Variants in SGCZ observed in about 807,000 individuals in gnomAD.
SGCZ encodes the protein zeta-sarcoglycan.
A neutral mutation model predicts 41.3 loss-of-function variants in SGCZ; 40 were observed. The observed-to-expected ratio is 0.97, with a 90% CI of 0.75 to 1.26. The LOEUF (loss-of-function observed/expected upper bound fraction) is 1.26, where lower values mean the gene tolerates loss of function less well. Among genes scored for constraint, SGCZ ranks in the 50% most tolerant of loss-of-function variants. SGCZ has a pLI of 0.00. For missense variants in SGCZ, 552 were observed against 369.8 expected, an observed-to-expected ratio of 1.49 and a Z score of -4.04; for synonymous variants, 206 against 137.5, an observed-to-expected ratio of 1.50 and a Z score of -3.49.
chr8:14,410,556 G>T (rs180871079), intron 2 of SGCZ, among the ~76,000 whole-genome samples: 323 of 147,440 alleles, frequency 2.2e-3, no homozygotes, highest in South Asian at 0.011. Flanking sequence ...AAAAAAAACA[G>T]AAGTTCTACA....
intron 5 of SGCZ, among the ~76,000 whole-genome samples, chr8:14,146,253 G>A (rs1044557199): frequency 3.3e-5 from 5 of 152,124 alleles, no homozygotes; most frequent in Admixed American, 2.6e-4. Flanking sequence ...TCTTTCAGTG[G>A]AAACTTACAG....
At chr8:14,821,072 C>G (rs1021588477) in intron 1 of SGCZ, among the ~76,000 whole-genome samples, 1 of 151,522 alleles carries the variant, frequency 6.6e-6, no homozygotes, top group African/African-American at 2.4e-5. Context: ...ACTGACAAAC[C>G]TTAAGATAGA....
intron 2 of SGCZ, among the ~76,000 whole-genome samples, chr8:14,420,616 G>C (rs1004457599): frequency 1.3e-5 from 2 of 151,972 alleles, no homozygotes; most frequent in Non-Finnish European, 2.9e-5. Flanking sequence ...TCTGAGCTCA[G>C]AAATGTGTTT....
At chr8:14,885,488 C>G in intron 1 of SGCZ, among the ~76,000 whole-genome samples, 2 of 152,086 alleles carry the variant, frequency 1.3e-5, no homozygotes, top group East Asian at 3.9e-4. Flanking sequence ...GAAAAATTCT[C>G]AAAACAAGAG....
At chr8:14,441,649 T>TCC in intron 2 of SGCZ, among the ~76,000 whole-genome samples, 1 of 152,172 alleles carries the variant, frequency 6.6e-6, no homozygotes, top group South Asian at 2.1e-4. Flanking sequence ...CTCAAGGCTT[T>TCC]TCAGATTCAT....
At chr8:14,930,531 G>A (rs1411192595) in intron 1 of SGCZ, among the ~76,000 whole-genome samples, 1 of 151,988 alleles carries the variant, frequency 6.6e-6, no homozygotes, top group Non-Finnish European at 1.5e-5. Flanking sequence ...AAAGACACAT[G>A]CCCATGTATG....
intron 1 of SGCZ, among the ~76,000 whole-genome samples, chr8:15,153,967 C>G (rs1326858131): frequency 6.6e-6 from 1 of 152,076 alleles, no homozygotes. Flanking sequence ...GCATTAGATT[C>G]TCATAAGGAG....
intron 1 of SGCZ, among the ~76,000 whole-genome samples, chr8:14,669,882 A>G (rs746547471): frequency 2.0e-5 from 3 of 152,108 alleles, no homozygotes; most frequent in African/African-American, 4.8e-5. Flanking sequence ...GCTGGATTTC[A>G]TTTTCATAGT....
At chr8:15,214,055 A>G (rs1801321441) in intron 1 of SGCZ, among the ~76,000 whole-genome samples, 1 of 152,084 alleles carries the variant, frequency 6.6e-6, no homozygotes, top group Non-Finnish European at 1.5e-5. Flanking sequence ...AAGCTTTTGT[A>G]TATTCACTTT....
intron 1 of SGCZ, among the ~76,000 whole-genome samples, chr8:15,158,581 A>T (rs986184130): frequency 6.6e-6 from 1 of 152,264 alleles, no homozygotes; most frequent in African/African-American, 2.4e-5. Context: ...CAGAATACTA[A>T]GGAAGAGTCA....
intron 1 of SGCZ, among the ~76,000 whole-genome samples, chr8:14,786,870 A>G (rs1308084940): frequency 1.3e-5 from 2 of 151,634 alleles, no homozygotes; most frequent in East Asian, 3.9e-4. Context: ...ACATAGATTA[A>G]GTAAGTCTTA....
At chr8:15,004,800 C>T (rs549052781) in intron 1 of SGCZ, among the ~76,000 whole-genome samples, 5 of 152,192 alleles carry the variant, frequency 3.3e-5, no homozygotes, top group African/African-American at 4.8e-5. Flanking sequence ...TAAAGAGAGA[C>T]GCAAAAGTTT....
chr8:15,237,422 C>T (rs1802170336), intron 1 of SGCZ, among the ~76,000 whole-genome samples, 163 bp downstream of exon 1: 1 of 152,202 alleles, frequency 6.6e-6, no homozygotes, highest in Non-Finnish European at 1.5e-5. Context: ...TGTCCTCGGC[C>T]CCAGCAGGGG....
Position 14,108,146 on chromosome 8 carries a change from T to A in SGCZ, c.620+17A>T, listed in dbSNP as rs1442918945. The stretch of plus-strand genomic sequence containing the variant: ...AATGATGGATTTTATGCCACAGGTA[T>A]AAGAGGAAGCCCTTACCTGAGATCT... On this transcript the variant is annotated intron_variant, in intron 6 of 7. Coordinates refer to ENST00000382080, the MANE Select transcript of SGCZ (RefSeq NM_139167.4). 2 of 1,612,852 alleles carry A rather than the reference T, an allele frequency of 1.2e-6. No individual in the cohort carries two copies. Among genetic ancestry groups the A allele is most frequent in the East Asian group, 4.5e-5 (2 of 44,864 alleles).
intron 4 of SGCZ, among the ~76,000 whole-genome samples, chr8:14,195,129 A>G (rs1389570665): frequency 6.6e-6 from 1 of 152,158 alleles, no homozygotes; most frequent in Non-Finnish European, 1.5e-5. Context: ...AGCCAATTAA[A>G]AGTGACCCAG....
At chr8:15,139,707 G>A (rs1226397462) in intron 1 of SGCZ, among the ~76,000 whole-genome samples, 1 of 152,050 alleles carries the variant, frequency 6.6e-6, no homozygotes, top group Non-Finnish European at 1.5e-5. Flanking sequence ...TTGTACATTA[G>A]ATCTCTAGAC....
At chr8:14,536,275 T>C (rs1803293976) in intron 2 of SGCZ, among the ~76,000 whole-genome samples, 1 of 151,742 alleles carries the variant, frequency 6.6e-6, no homozygotes, top group Non-Finnish European at 1.5e-5. Context: ...GATAAGAAAA[T>C]ACATCTTGTA....
At chr8:14,768,613 C>G (rs577043231) in intron 1 of SGCZ, among the ~76,000 whole-genome samples, 1 of 152,264 alleles carries the variant, frequency 6.6e-6, no homozygotes, top group East Asian at 1.9e-4. Context: ...GCATCCCTTC[C>G]CCATCAGGAT....
intron 1 of SGCZ, among the ~76,000 whole-genome samples, chr8:15,099,061 A>C (rs1457323329): frequency 6.6e-6 from 1 of 152,228 alleles, no homozygotes; most frequent in Non-Finnish European, 1.5e-5. Flanking sequence ...CCGTCTCAAA[A>C]AAACAAACAA....
Sources: gnomAD v4.1 joint callset for allele counts (sites outside exome capture counted in the v4.1 genomes callset) on GRCh38, gnomAD v4.1.1 for gene constraint, MANE v1.5 for transcripts, NCBI Gene and HGNC (gene_info 2026-07-23, HGNC 2026-07-21) for gene names.